RASSF8: variants seen among roughly 807,000 people sequenced by gnomAD.
The protein encoded by RASSF8 is Ras association domain family member 8.
RASSF8 carries 22 observed loss-of-function variants against 48.5 expected under a neutral mutation model. That is an observed-to-expected ratio of 0.45 (90% CI 0.32 to 0.65). The LOEUF (loss-of-function observed/expected upper bound fraction) is 0.65. Ranked by LOEUF, RASSF8 falls within the 30% of genes least tolerant of loss-of-function variation. The pLI, the probability that RASSF8 is intolerant of heterozygous loss-of-function variation, is 0.03. For missense variants in RASSF8, 418 were observed against 489.2 expected, an observed-to-expected ratio of 0.85 and a Z score of 1.37; for synonymous variants, 127 against 171.5, an observed-to-expected ratio of 0.74 and a Z score of 2.03.
rs910840339 is a variant in RASSF8 at position 25,959,076 on chromosome 12, G to A, written c.-275G>A. On this transcript the variant is annotated 5_prime_UTR_variant, in exon 1 of 6. In the 5' UTR this introduces an upstream ATG that the reference lacks. Coordinates refer to ENST00000689635, the MANE Select transcript of RASSF8 (RefSeq NM_001394098.1). ...GCGCTGGGCGGCCGCGGAGCTCCGG[G>A]TGCCGCCGCGTCCCCAGCGCCCCGG... The A allele has an allele frequency of 1.3e-5, 2 of 148,940 alleles. No homozygotes were observed. The highest frequency in any genetic ancestry group is 4.9e-5 in the African/African-American group (2 of 41,080). The allele number at this position is 148,940 out of a possible 1,614,324, so 9.2% of individuals were successfully genotyped here. A position where few individuals can be genotyped will look rare whatever the true frequency, so the allele number is the denominator to read the frequency against.
chr12:26,044,104 A>G (rs1943322718), intron 2 of RASSF8, among the ~76,000 whole-genome samples: 1 of 152,222 alleles, frequency 6.6e-6, no homozygotes, highest in South Asian at 2.1e-4. Context: ...TACTATTCCC[A>G]GTCCTCTTCT....
At position 26,060,134 on chromosome 12, in the gene RASSF8, T is replaced by C. The variant is rs1210892421; in HGVS notation, c.104-4364T>C. ...GGATGGTCTCGATCTCCTGACCTCGTGATCTGCCCGCCTCGGCCTCCCAAA... is the reference window on the plus strand; with the variant it reads ...GGATGGTCTCGATCTCCTGACCTCGCGATCTGCCCGCCTCGGCCTCCCAAA... On this transcript the variant is annotated intron_variant, in intron 3 of 5. Coordinates refer to ENST00000689635, the MANE Select transcript of RASSF8 (RefSeq NM_001394098.1). Among the ~76,000 whole-genome samples, 4 of 152,208 alleles carry C rather than the reference T, an allele frequency of 2.6e-5. No individual in the cohort carries two copies. The East Asian group carries it at 5.8e-4, about 22-fold the overall frequency.
Position 26,070,852 on chromosome 12 carries a change from G to A in RASSF8, c.*2034G>A. ...AATTAGGAGTTTCAGAGATGCCTTG[G>A]CATACCACGAAAAACACTGTCAATA... On this transcript the variant is annotated 3_prime_UTR_variant, in exon 6 of 6. Coordinates refer to ENST00000689635, the MANE Select transcript of RASSF8 (RefSeq NM_001394098.1). 1 of 984,130 alleles carries A rather than the reference G, an allele frequency of 1.0e-6. No homozygotes were observed. The highest frequency in any genetic ancestry group is 1.2e-6 in the Non-Finnish European group (1 of 828,844). 61.0% of individuals were successfully genotyped at this position (984,130 alleles called of 1,614,324 possible). A position where few individuals can be genotyped will look rare whatever the true frequency, so the allele number is the denominator to read the frequency against.
intron 2 of RASSF8, among the ~76,000 whole-genome samples, chr12:26,023,580 T>C (rs551251465): frequency 5.9e-5 from 9 of 151,964 alleles, no homozygotes; most frequent in Non-Finnish European, 1.0e-4. Flanking sequence ...TGTTAACAGA[T>C]CCATCTTAAC....
intron 2 of RASSF8, among the ~76,000 whole-genome samples, chr12:26,052,198 G>T (rs1943505952): frequency 6.6e-6 from 1 of 152,184 alleles, no homozygotes; most frequent in African/African-American, 2.4e-5. Context: ...TAGCAACTAG[G>T]TAGGTTTCAC....
At chr12:25,982,991 C>G (rs185855514) in intron 1 of RASSF8, among the ~76,000 whole-genome samples, 1 of 152,212 alleles carries the variant, frequency 6.6e-6, no homozygotes, top group Admixed American at 6.5e-5. Flanking sequence ...AGTGCAGGTC[C>G]TTTTTGGAGG....
At chr12:26,030,898 A>G (rs1231586157) in intron 2 of RASSF8, among the ~76,000 whole-genome samples, 9 of 152,226 alleles carry the variant, frequency 5.9e-5, no homozygotes, top group Non-Finnish European at 1.3e-4. Context: ...GAGCAGCCAT[A>G]GACAGTACGT....
chr12:26,047,247 G>A (rs1396201377), intron 2 of RASSF8, among the ~76,000 whole-genome samples: 1 of 152,120 alleles, frequency 6.6e-6, no homozygotes. Flanking sequence ...TTATTTATGA[G>A]ATTTTGTGCC....
At chr12:26,032,146 G>T (rs1943043734) in intron 2 of RASSF8, among the ~76,000 whole-genome samples, 1 of 152,174 alleles carries the variant, frequency 6.6e-6, no homozygotes, top group South Asian at 2.1e-4. Flanking sequence ...AGGTCCTTCA[G>T]TTTGTAGCAG....
chr12:26,054,263 G>A (rs971756357), intron 2 of RASSF8, among the ~76,000 whole-genome samples: 1 of 152,090 alleles, frequency 6.6e-6, no homozygotes, highest in African/African-American at 2.4e-5. Flanking sequence ...AAAGAATTGT[G>A]ATCATTTTTA....
chr12:26,067,595 G>T lies in RASSF8; in HGVS notation c.1020G>T (p.Leu340Phe). Residue 340 changes from leucine (L) to phenylalanine (F), a missense_variant, in exon 5 of 6, where the codon TTG (leucine) becomes TTT (phenylalanine). Transcript: ENST00000689635. ...ACAAAGAACAGGAACTGGAGCAGTTGACTAAGGAGTTGCGGCAAGTCAATC... is the reference window on the plus strand; with the variant it reads ...ACAAAGAACAGGAACTGGAGCAGTTTACTAAGGAGTTGCGGCAAGTCAATC... ...LQDKEQELEQ[L>F]TKELRQVNLQ... is the part of the protein sequence containing the mutation. The T allele has an allele frequency of 6.2e-7, 1 of 1,613,844 alleles. No individual in the cohort carries two copies. Among genetic ancestry groups the T allele is most frequent in the Non-Finnish European group, 8.5e-7 (1 of 1,179,824 alleles).
At chr12:26,068,606 C>T in intron 5 of RASSF8, 91 bp from the exon 6 acceptor site, 1 of 1,054,536 alleles carries the variant, frequency 9.5e-7, no homozygotes, top group South Asian at 1.4e-5. Flanking sequence ...GCAGTTTTCC[C>T]TTTTGGGGTA....
chr12:26,024,387 C>T (rs1374947530), intron 2 of RASSF8, among the ~76,000 whole-genome samples: 1 of 152,112 alleles, frequency 6.6e-6, no homozygotes. Context: ...GTAAATTCTG[C>T]CAAACATTTT....
In RASSF8 at chr12:26,070,795, A is replaced by G; in HGVS notation, c.*1977A>G. 1.0e-6 allele frequency: 1 copy of G among 983,232 alleles called. No individual in the cohort carries two copies. 60.9% of individuals were successfully genotyped at this position (983,232 alleles called of 1,614,324 possible). A position where few individuals can be genotyped will look rare whatever the true frequency, so the allele number is the denominator to read the frequency against. Reference sequence around the variant, plus strand: ...ATTGATCGCATTTTCTTTAAGTCAAAATGTTAAACTGGAGGCAGTATTAAA... The same window carrying G: ...ATTGATCGCATTTTCTTTAAGTCAAGATGTTAAACTGGAGGCAGTATTAAA... On this transcript the variant is annotated 3_prime_UTR_variant, in exon 6 of 6. Coordinates refer to ENST00000689635, the MANE Select transcript of RASSF8 (RefSeq NM_001394098.1).
chr12:26,069,651 C>G lies in RASSF8; in HGVS notation c.*833C>G. ...TTTCTGCCCTGTCTTATCATTTACA[C>G]TCATGGATCTTCAGAATTAATCTAA... is the stretch of plus-strand genomic sequence containing the variant. On this transcript the variant is annotated 3_prime_UTR_variant, in exon 6 of 6. Coordinates refer to ENST00000689635, the MANE Select transcript of RASSF8 (RefSeq NM_001394098.1). 1.0e-6 allele frequency: 1 copy of G among 985,410 alleles called. No homozygotes were observed. Among genetic ancestry groups the G allele is most frequent in the Non-Finnish European group, 1.2e-6 (1 of 829,914 alleles). The allele number at this position is 985,410 out of a possible 1,614,324, so 61.0% of individuals were successfully genotyped here.
intron 1 of RASSF8, among the ~76,000 whole-genome samples, chr12:25,984,058 T>A (rs1258436995): frequency 6.6e-6 from 1 of 152,070 alleles, no homozygotes; most frequent in Non-Finnish European, 1.5e-5. Flanking sequence ...GATACAATCA[T>A]GTATTTATTT....
At chr12:26,073,583 AAAC>A (rs1944037685), downstream of RASSF8, among the ~76,000 whole-genome samples, 1 of 152,060 alleles carries the variant, frequency 6.6e-6, no homozygotes, top group African/African-American at 2.4e-5. Context: ...CGAAAAGTAA[AAAC>A]AAAATAGCTG....
Position 25,977,955 on chromosome 12 carries a change from G to C in RASSF8, c.-202-17082G>C, listed in dbSNP as rs556817754. Among the ~76,000 whole-genome samples the C allele has an allele frequency of 2.0e-5, 3 of 152,278 alleles. No individual in the cohort carries two copies. The South Asian group carries it at 6.2e-4, about 32-fold the overall frequency. ...TAGAAGTGGAAAATCATAGTTAGTG[G>C]TAAAATGGGGCATAGGGCTTGTGAC... On this transcript the variant is annotated intron_variant, in intron 1 of 5. Coordinates refer to ENST00000689635, the MANE Select transcript of RASSF8 (RefSeq NM_001394098.1).
rs2137348105 is a variant in RASSF8 at position 26,072,630 on chromosome 12, A to G, written c.*3812A>G. Reference sequence around the variant, plus strand: ...GTTTTTCTTTATTGACCCTAGGAGGATTTGAGTTGCTGCAGCTTTAAACAG... The same window carrying G: ...GTTTTTCTTTATTGACCCTAGGAGGGTTTGAGTTGCTGCAGCTTTAAACAG... On this transcript the variant is annotated 3_prime_UTR_variant, in exon 6 of 6. Coordinates refer to ENST00000689635, the MANE Select transcript of RASSF8 (RefSeq NM_001394098.1). 1.0e-6 allele frequency: 1 copy of G among 985,164 alleles called. No individual in the cohort carries two copies. The highest frequency in any genetic ancestry group is 1.1e-4 in the East Asian group (1 of 8,820). The allele number at this position is 985,164 out of a possible 1,614,324, so 61.0% of individuals were successfully genotyped here.
Sources: allele counts gnomAD v4.1 joint callset (sites outside exome capture counted in the v4.1 genomes callset), GRCh38; gene constraint gnomAD v4.1.1; transcripts MANE v1.5; gene names NCBI Gene and HGNC (gene_info 2026-07-23, HGNC 2026-07-21).